MRAS: variants seen among roughly 807,000 people sequenced by gnomAD.
The protein encoded by MRAS is ras-related protein M-Ras.
In MRAS, 4 loss-of-function variants were observed where a neutral mutation model predicts 20.9. That is an observed-to-expected ratio of 0.19 (90% CI 0.09 to 0.44). The LOEUF is 0.44. Ranked by LOEUF, MRAS falls within the 20% of genes least tolerant of loss-of-function variation. The probability of loss-of-function intolerance (pLI) is 0.99; values close to 1 mark genes in which losing one functional copy is unlikely to be tolerated. For synonymous variants in MRAS, 98 were observed against 102.9 expected (o/e 0.95, Z 0.29); for missense variants, 154 against 277.5 (o/e 0.56, Z 3.16).
At chr3:138,353,883 A>T (rs1338025207) in intron 1 of MRAS, among the ~76,000 whole-genome samples, 1 of 152,248 alleles carries the variant, frequency 6.6e-6, no homozygotes, top group Non-Finnish European at 1.5e-5. Flanking sequence ...TGAGAGAAGC[A>T]GAGTCAGAAA....
chr3:138,402,144 C>T (rs747198603), intron 5 of MRAS, 26 bp from the exon 6 acceptor site: 4 of 1,608,168 alleles, frequency 2.5e-6, no homozygotes, highest in South Asian at 1.1e-5. Flanking sequence ...CTGACTTTGT[C>T]TTTCTGTCCT....
chr3:138,361,578 C>T (rs1015432472), intron 1 of MRAS, among the ~76,000 whole-genome samples: 2 of 152,312 alleles, frequency 1.3e-5, no homozygotes, highest in Admixed American at 1.3e-4. Flanking sequence ...GAGGGAGGTG[C>T]TGGCTGAATC....
chr3:138,367,477 G>T (rs995418756), intron 1 of MRAS, among the ~76,000 whole-genome samples: 2 of 152,244 alleles, frequency 1.3e-5, no homozygotes, highest in Non-Finnish European at 2.9e-5. Flanking sequence ...GACTATTCCT[G>T]GGAGGTCTTA....
chr3:138,368,454 C>T (rs1323887175), intron 1 of MRAS, among the ~76,000 whole-genome samples: 1 of 152,152 alleles, frequency 6.6e-6, no homozygotes, highest in Non-Finnish European at 1.5e-5. Flanking sequence ...CCAACTAACC[C>T]ACTTTACTAA....
intron 1 of MRAS, among the ~76,000 whole-genome samples, chr3:138,355,637 A>G (rs904908433): frequency 6.6e-6 from 1 of 152,240 alleles, no homozygotes; most frequent in Non-Finnish European, 1.5e-5. Flanking sequence ...CCCTTAAAGA[A>G]TAACACCACC....
intron 1 of MRAS, among the ~76,000 whole-genome samples, chr3:138,359,218 G>C (rs2108500848): frequency 1.3e-5 from 2 of 152,220 alleles, no homozygotes; most frequent in Middle Eastern, 6.8e-3. Flanking sequence ...CTTCTGCTGA[G>C]TGGGCTTAAA....
At chr3:138,352,864 G>C (rs1243530769) in intron 1 of MRAS, among the ~76,000 whole-genome samples, 2 of 152,088 alleles carry the variant, frequency 1.3e-5, no homozygotes, top group African/African-American at 4.8e-5. Context: ...TCTGGATCCT[G>C]TGCTGCCTGG....
At chr3:138,395,233 G>T (rs1034514744) in intron 2 of MRAS, among the ~76,000 whole-genome samples, 1 of 151,898 alleles carries the variant, frequency 6.6e-6, no homozygotes, top group African/African-American at 2.4e-5. Flanking sequence ...TAGAGACGGG[G>T]TTTCATTTGG....
chr3:138,401,210 C>T (rs1251209998), intron 5 of MRAS, among the ~76,000 whole-genome samples: 6 of 152,250 alleles, frequency 3.9e-5, no homozygotes, highest in African/African-American at 1.2e-4. Flanking sequence ...CTCCTGGCTG[C>T]ATCCGCTGTC....
rs2055193749 is a variant in MRAS, at chr3:138,394,455, T to TAA, written c.194-2869_194-2868insAA. On this transcript the variant is annotated intron_variant, in intron 2 of 5. Transcript: ENST00000423968. Reference sequence around the variant, plus strand: ...GAAGGGCTGTGGGGACAGGTGACTTTCTTGGGTACTGTGTAAAGGTGCCTG... The same window carrying TAA: ...GAAGGGCTGTGGGGACAGGTGACTTTAACTTGGGTACTGTGTAAAGGTGCCTG... Among the ~76,000 whole-genome samples the TAA allele has an allele frequency of 2.6e-5, 4 of 152,168 alleles. No homozygotes were observed. In the South Asian group the frequency reaches 8.3e-4, roughly 32 times the overall value.
intron 1 of MRAS, among the ~76,000 whole-genome samples, chr3:138,369,768 C>G (rs1222192388): frequency 6.6e-6 from 1 of 152,138 alleles, no homozygotes; most frequent in East Asian, 1.9e-4. Context: ...GAGGGGGCCC[C>G]CACTGGCCAT....
chr3:138,366,704 C>T (rs944396693), intron 1 of MRAS, among the ~76,000 whole-genome samples: 2 of 152,222 alleles, frequency 1.3e-5, no homozygotes, highest in Non-Finnish European at 2.9e-5. Context: ...GGCAGTGTGG[C>T]ATGACAGTTC....
At chr3:138,355,036 C>T (rs536141144) in intron 1 of MRAS, among the ~76,000 whole-genome samples, 1 of 152,194 alleles carries the variant, frequency 6.6e-6, no homozygotes, top group African/African-American at 2.4e-5. Flanking sequence ...CCTCCCACCT[C>T]GACCTCCCAA....
At chr3:138,378,658 C>G (rs2054835064) in intron 2 of MRAS, among the ~76,000 whole-genome samples, 1 of 152,214 alleles carries the variant, frequency 6.6e-6, no homozygotes, top group Admixed American at 6.5e-5. Context: ...TCTCTCTTGT[C>G]ATGAATCAGG....
At chr3:138,354,299 C>G (rs1446558353) in intron 1 of MRAS, among the ~76,000 whole-genome samples, 2 of 152,092 alleles carry the variant, frequency 1.3e-5, no homozygotes, top group Non-Finnish European at 2.9e-5. Flanking sequence ...ACCTATTACC[C>G]AAGATGAACA....
At position 138,396,105 on chromosome 3, in the gene MRAS, G is replaced by A. The variant is rs544946601; in HGVS notation, c.194-1219G>A. 1.1e-4 allele frequency among the ~76,000 whole-genome samples: 16 copies of A among 152,316 alleles called. No homozygotes were observed. In the East Asian group the frequency reaches 1.4e-3, roughly 13 times the overall value. The stretch of plus-strand genomic sequence containing the variant: ...ACCAAGGCCAGTGGAGAAGGGGAGG[G>A]AAGGGGGAGTTGGAGGAAAGTGTCC... On this transcript the variant is annotated intron_variant, in intron 2 of 5. Transcript: ENST00000423968.
At chr3:138,350,942 CAA>C (rs66738068) in intron 1 of MRAS, among the ~76,000 whole-genome samples, 96 of 67,984 alleles carry the variant, frequency 1.4e-3, no homozygotes, top group Middle Eastern at 9.3e-3. Flanking sequence ...GACCCTGTCT[CAA>C]AAAAAAAAAA....
At chr3:138,367,701 T>G (rs749446035) in intron 1 of MRAS, among the ~76,000 whole-genome samples, 1 of 152,146 alleles carries the variant, frequency 6.6e-6, no homozygotes, top group African/African-American at 2.4e-5. Flanking sequence ...GAGCTTCCCA[T>G]GTGTTGGGCT....
At chr3:138,389,367 C>A (rs563043294) in intron 2 of MRAS, among the ~76,000 whole-genome samples, 26 of 151,424 alleles carry the variant, frequency 1.7e-4, no homozygotes, top group Middle Eastern at 6.8e-3. Flanking sequence ...TGAGCCAGGC[C>A]CCCCAGACTT....
Sources: allele counts gnomAD v4.1 joint callset (sites outside exome capture counted in the v4.1 genomes callset), GRCh38; gene constraint gnomAD v4.1.1; transcripts MANE v1.5; gene names NCBI Gene and HGNC (gene_info 2026-07-23, HGNC 2026-07-21).